The following KITLG variants were observed in gnomAD, a reference collection of about 807,000 sequenced individuals.
The protein encoded by KITLG is c-Kit ligand.
Under a neutral mutation model 34.1 loss-of-function variants are expected in KITLG, and 13 were observed. That is an observed-to-expected ratio of 0.38 (90% CI 0.25 to 0.61). The LOEUF is 0.61. KITLG is among the 20% of genes least tolerant of loss of function. The probability of loss-of-function intolerance (pLI) is 0.60; values close to 1 mark genes in which losing one functional copy is unlikely to be tolerated. For synonymous variants in KITLG, 110 were observed against 104.0 expected, an observed-to-expected ratio of 1.06 and a Z score of -0.35; for missense variants, 292 against 318.9, an observed-to-expected ratio of 0.92 and a Z score of 0.64.
intron 1 of KITLG, among the ~76,000 whole-genome samples, chr12:88,572,178 G>T (rs1432101563): frequency 6.6e-6 from 1 of 152,080 alleles, no homozygotes; most frequent in African/African-American, 2.4e-5. Context: ...TTGTACAGAA[G>T]TGCAAACAAT....
At chr12:88,573,778 A>G (rs1871735722) in intron 1 of KITLG, among the ~76,000 whole-genome samples, 1 of 152,194 alleles carries the variant, frequency 6.6e-6, no homozygotes, top group Non-Finnish European at 1.5e-5. Flanking sequence ...TGCAAAGGTG[A>G]ACAAGGCTTG....
chr12:88,522,419 GCA>G (rs1402438113), intron 3 of KITLG, among the ~76,000 whole-genome samples: 4 of 135,036 alleles, frequency 3.0e-5, no homozygotes, highest in Non-Finnish European at 4.6e-5. Flanking sequence ...GGTATTAGAT[GCA>G]CAGTCTTTTT....
rs369504551 is a variant in KITLG at position 88,546,002 on chromosome 12, C to T, written c.16-137G>A. ...TTGGCTTAAATGCAATTAAATATTACGCATTCAAGCTATGCTCACCAAAGT... is the reference window on the plus strand; with the variant it reads ...TTGGCTTAAATGCAATTAAATATTATGCATTCAAGCTATGCTCACCAAAGT... On this transcript the variant is annotated intron_variant, in intron 1 of 9. Coordinates refer to ENST00000644744, the MANE Select transcript of KITLG (RefSeq NM_000899.5). 2.7e-3 allele frequency: 2,021 copies of T among 737,966 alleles called. 8 individuals carry two copies. Among genetic ancestry groups the T allele is most frequent in the South Asian group, 8.9e-3 (626 of 70,266 alleles). The allele number at this position is 737,966 out of a possible 1,614,324, so 45.7% of individuals were successfully genotyped here.
At chr12:88,542,552 T>A (rs992864658) in intron 2 of KITLG, among the ~76,000 whole-genome samples, 1 of 152,038 alleles carries the variant, frequency 6.6e-6, no homozygotes, top group African/African-American at 2.4e-5. Flanking sequence ...ATCTCAACAG[T>A]CACTCATGTT....
chr12:88,515,819 C>T (rs1869434590), intron 5 of KITLG, among the ~76,000 whole-genome samples: 1 of 151,532 alleles, frequency 6.6e-6, no homozygotes, highest in South Asian at 2.1e-4. Flanking sequence ...AGAACAAATA[C>T]TTATTGAATA....
At chr12:88,558,440 A>G (rs1291528573) in intron 1 of KITLG, among the ~76,000 whole-genome samples, 2 of 152,168 alleles carry the variant, frequency 1.3e-5, no homozygotes, top group African/African-American at 4.8e-5. Flanking sequence ...CATGAGCTCA[A>G]AGAACGTTCA....
chr12:88,503,251 A>G (rs947364796), intron 9 of KITLG, among the ~76,000 whole-genome samples: 1 of 152,232 alleles, frequency 6.6e-6, no homozygotes, highest in Non-Finnish European at 1.5e-5. Flanking sequence ...ATGTTGCTGT[A>G]TAACCATAAA....
chr12:88,554,392 G>T (rs912629042), intron 1 of KITLG, among the ~76,000 whole-genome samples: 15 of 152,172 alleles, frequency 9.9e-5, no homozygotes, highest in African/African-American at 3.6e-4. Context: ...TGTTTGTGTA[G>T]CTCATTTTCT....
intron 1 of KITLG, among the ~76,000 whole-genome samples, chr12:88,569,254 A>C (rs910463820): frequency 6.6e-6 from 1 of 152,192 alleles, no homozygotes; most frequent in African/African-American, 2.4e-5. Flanking sequence ...AGAAAGAAGT[A>C]ACTTTGCTCT....
At chr12:88,538,852 T>C (rs1283671631) in intron 2 of KITLG, among the ~76,000 whole-genome samples, 2 of 152,182 alleles carry the variant, frequency 1.3e-5, no homozygotes, top group South Asian at 4.1e-4. Context: ...GTCAATACTA[T>C]GCCAGATTGT....
At chr12:88,567,127 A>G (rs1000048763) in intron 1 of KITLG, among the ~76,000 whole-genome samples, 4 of 152,222 alleles carry the variant, frequency 2.6e-5, no homozygotes, top group African/African-American at 7.2e-5. Flanking sequence ...CCTTAAAAGC[A>G]GGGACTTTAA....
At chr12:88,510,745 C>A (rs1000277124) in intron 6 of KITLG, among the ~76,000 whole-genome samples, 1 of 152,128 alleles carries the variant, frequency 6.6e-6, no homozygotes, top group Non-Finnish European at 1.5e-5. Flanking sequence ...TACACACTCA[C>A]ATCTCTGTAA....
chr12:88,569,186 C>T lies in KITLG; in HGVS notation c.15+11078G>A, dbSNP rs372397897. Among the ~76,000 whole-genome samples, 237 of 152,210 alleles carry T rather than the reference C, an allele frequency of 1.6e-3. 8 individuals carry two copies. In the South Asian group the frequency reaches 0.047, roughly 30 times the overall value. On this transcript the variant is annotated intron_variant, in intron 1 of 9. Transcript: ENST00000644744. ...AGCTTGGGAATGCGAGCTCTGAATC[C>T]GAATCTGTTTCATAAGCCAGCCACC...
rs1003253699 is a variant in KITLG at position 88,497,377 on chromosome 12, T to A, written c.*38-196A>T. Among the ~76,000 whole-genome samples the A allele has an allele frequency of 1.2e-4, 18 of 152,286 alleles. No homozygotes were observed. In the East Asian group the frequency reaches 3.3e-3, roughly 28 times the overall value. ...CAGTCATTTTCTATGATCTCCTTGGTAACACATTATCTGAAACAATCTTAC... is the reference window on the plus strand; with the variant it reads ...CAGTCATTTTCTATGATCTCCTTGGAAACACATTATCTGAAACAATCTTAC... On this transcript the variant is annotated intron_variant, in intron 9 of 9. Transcript: ENST00000644744.
intron 9 of KITLG, among the ~76,000 whole-genome samples, chr12:88,501,979 T>C (rs1412960039): frequency 2.0e-5 from 3 of 152,170 alleles, no homozygotes; most frequent in Non-Finnish European, 4.4e-5. Context: ...AATGTTCATT[T>C]AGGTGACTGT....
At position 88,513,974 on chromosome 12, in the gene KITLG, T is replaced by C. The variant is rs148355550; in HGVS notation, c.604+1560A>G. 1.8e-3 allele frequency among the ~76,000 whole-genome samples: 279 copies of C among 151,720 alleles called. 2 individuals are homozygous for C. Among genetic ancestry groups the C allele is most frequent in the African/African-American group, 6.5e-3 (269 of 41,530 alleles). On this transcript the variant is annotated intron_variant, in intron 6 of 9. Transcript: ENST00000644744. ...ACATACATAAAATAGTTTCAGTACA[T>C]TTCAAAAAAATTATAGAGTATGTTT...
chr12:88,548,830 C>A (rs2120919678), intron 1 of KITLG, among the ~76,000 whole-genome samples: 1 of 152,250 alleles, frequency 6.6e-6, no homozygotes, highest in Non-Finnish European at 1.5e-5. Flanking sequence ...TTCTTGAGTC[C>A]TTGTTGAAAG....
chr12:88,505,572 G>A (rs1172922868), intron 8 of KITLG, among the ~76,000 whole-genome samples: 1 of 152,098 alleles, frequency 6.6e-6, no homozygotes, highest in Non-Finnish European at 1.5e-5. Flanking sequence ...CAAAGGTAAG[G>A]GAACATATGA....
Position 88,548,577 on chromosome 12 carries a change from G to A in KITLG, c.16-2712C>T, listed in dbSNP as rs117234523. ...GATACGTGTGGCAATGATAGGTGATGTTGGGTAGGTAGAATCATTCCTTCT... is the reference window on the plus strand; with the variant it reads ...GATACGTGTGGCAATGATAGGTGATATTGGGTAGGTAGAATCATTCCTTCT... On this transcript the variant is annotated intron_variant, in intron 1 of 9. Transcript: ENST00000644744. 2.2e-4 allele frequency among the ~76,000 whole-genome samples: 34 copies of A among 152,270 alleles called. 1 individual carries two copies. The East Asian group carries it at 5.4e-3, about 24-fold the overall frequency.
Sources: gnomAD v4.1 joint callset for allele counts (sites outside exome capture counted in the v4.1 genomes callset) on GRCh38, gnomAD v4.1.1 for gene constraint, MANE v1.5 for transcripts, NCBI Gene and HGNC (gene_info 2026-07-23, HGNC 2026-07-21) for gene names.